Variants in C1orf94 observed in about 807,000 individuals in gnomAD.
C1orf94 encodes chromosome 1 open reading frame 94.
C1orf94 carries 45 observed loss-of-function variants against 53.6 expected under a neutral mutation model. The observed-to-expected ratio is 0.84, with a 90% CI of 0.66 to 1.08. The LOEUF (loss-of-function observed/expected upper bound fraction) is 1.08. Ranked by LOEUF, C1orf94 falls within the 50% of genes least tolerant of loss-of-function variation. The probability of loss-of-function intolerance (pLI) is 0.00; values close to 1 mark genes in which losing one functional copy is unlikely to be tolerated. For missense variants in C1orf94, 762 were observed against 738.9 expected, an observed-to-expected ratio of 1.03 and a Z score of -0.36; for synonymous variants, 304 against 296.1, an observed-to-expected ratio of 1.03 and a Z score of -0.27.
chr1:34,182,652 C>G (rs184200455), intron 1 of C1orf94, among the ~76,000 whole-genome samples: 140 of 152,256 alleles, frequency 9.2e-4, no homozygotes, highest in East Asian at 3.7e-3. Flanking sequence ...GATTTGGGTA[C>G]ACAAACAGAC....
At chr1:34,213,398 T>C (rs1642928494) in intron 6 of C1orf94, among the ~76,000 whole-genome samples, 1 of 152,208 alleles carries the variant, frequency 6.6e-6, no homozygotes, top group Non-Finnish European at 1.5e-5. Flanking sequence ...TGGGAAAAGC[T>C]GTGGGAAACA....
At chr1:34,213,532 T>G (rs1251736036) in intron 6 of C1orf94, among the ~76,000 whole-genome samples, 2 of 152,132 alleles carry the variant, frequency 1.3e-5, no homozygotes, top group Non-Finnish European at 2.9e-5. Flanking sequence ...CCTTTTCTTT[T>G]TTTATTTTAT....
chr1:34,190,145 T>C (rs1642459556), intron 1 of C1orf94, among the ~76,000 whole-genome samples: 1 of 152,204 alleles, frequency 6.6e-6, no homozygotes. Flanking sequence ...TCCCTCATGG[T>C]TGTGGTGGGG....
chr1:34,172,800 G>C (rs545276176), upstream of C1orf94, among the ~76,000 whole-genome samples: 1 of 152,226 alleles, frequency 6.6e-6, no homozygotes, highest in Non-Finnish European at 1.5e-5. Context: ...GACAACATGA[G>C]GGGGAGGCCC....
At chr1:34,213,983 A>G (rs976017209) in intron 6 of C1orf94, among the ~76,000 whole-genome samples, 1 of 152,132 alleles carries the variant, frequency 6.6e-6, no homozygotes. Context: ...ACACCCAGGG[A>G]AACGCTGTGT....
chr1:34,196,110 G>A (rs930016158), intron 1 of C1orf94, among the ~76,000 whole-genome samples: 10 of 152,204 alleles, frequency 6.6e-5, no homozygotes, highest in Admixed American at 6.5e-5. Flanking sequence ...CCCTTGAGTA[G>A]GCACAGCAGA....
At chr1:34,209,252 G>A (rs758199049) in intron 5 of C1orf94, among the ~76,000 whole-genome samples, 7 of 150,384 alleles carry the variant, frequency 4.7e-5, no homozygotes, top group Non-Finnish European at 7.4e-5. Context: ...CAATAATACT[G>A]CCTGAAAATA....
rs563123736 is a variant in C1orf94, at chr1:34,179,979, C to T, written c.320+1870C>T. 1.1e-4 allele frequency among the ~76,000 whole-genome samples: 17 copies of T among 152,290 alleles called. 1 individual carries two copies. Among genetic ancestry groups the T allele is most frequent in the East Asian group, 7.7e-4 (4 of 5,188 alleles). On this transcript the variant is annotated intron_variant, in intron 1 of 6. Transcript: ENST00000488417. ...AGAGATAGGAAACCAATGACTTAGA[C>T]GAATAAACGACATCCTAATTGTCAA...
intron 1 of C1orf94, among the ~76,000 whole-genome samples, chr1:34,194,035 T>TG (rs969455084): frequency 7.2e-5 from 11 of 151,898 alleles, no homozygotes; most frequent in Non-Finnish European, 1.5e-4. Flanking sequence ...TGGTTGCAGC[T>TG]GGGGGGGACA....
chr1:34,206,292 G>A (rs1304363347), intron 4 of C1orf94, among the ~76,000 whole-genome samples: 1 of 152,224 alleles, frequency 6.6e-6, no homozygotes, highest in African/African-American at 2.4e-5. Flanking sequence ...CCCATGCTGG[G>A]CATTCTGGAG....
At chr1:34,201,813 T>C (rs1054885768) in intron 3 of C1orf94, among the ~76,000 whole-genome samples, 8 of 152,212 alleles carry the variant, frequency 5.3e-5, no homozygotes, top group Admixed American at 1.3e-4. Flanking sequence ...TTGTATTCCC[T>C]TGCTAAATTG....
At chr1:34,184,637 T>A (rs1205915681) in intron 1 of C1orf94, among the ~76,000 whole-genome samples, 1 of 152,240 alleles carries the variant, frequency 6.6e-6, no homozygotes, top group African/African-American at 2.4e-5. Flanking sequence ...CTTATTTTGG[T>A]AAACTTTCAC....
At chr1:34,190,512 G>A (rs1317025177) in intron 1 of C1orf94, among the ~76,000 whole-genome samples, 1 of 152,140 alleles carries the variant, frequency 6.6e-6, no homozygotes, top group Admixed American at 6.6e-5. Context: ...GTCTGACAAG[G>A]TCTTCCTTGC....
chr1:34,214,432 G>C (rs1642949120), intron 6 of C1orf94, among the ~76,000 whole-genome samples: 1 of 152,216 alleles, frequency 6.6e-6, no homozygotes, highest in Non-Finnish European at 1.5e-5. Context: ...GGAAGTAAGA[G>C]AAAGAGGAAG....
intron 1 of C1orf94, among the ~76,000 whole-genome samples, chr1:34,189,049 G>C (rs956747709): frequency 3.3e-5 from 5 of 152,062 alleles, no homozygotes; most frequent in African/African-American, 1.2e-4. Flanking sequence ...GTGTGTATGT[G>C]CATGGGTGTG....
intron 1 of C1orf94, among the ~76,000 whole-genome samples, chr1:34,186,477 G>A (rs2148613701): frequency 6.6e-6 from 1 of 152,322 alleles, no homozygotes; most frequent in South Asian, 2.1e-4. Context: ...GGAAACTTAG[G>A]CTGAAGGGAA....
chr1:34,213,112 C>T (rs1364626081), intron 6 of C1orf94, among the ~76,000 whole-genome samples: 1 of 152,192 alleles, frequency 6.6e-6, no homozygotes, highest in Non-Finnish European at 1.5e-5. Context: ...TATGGATGCT[C>T]CAAGGGGCAC....
rs768027959 is a variant in C1orf94, at chr1:34,197,444, C to T, written c.540C>T (p.Val180=). 1.1e-5 allele frequency: 17 copies of T among 1,613,990 alleles called. No homozygotes were observed. Among genetic ancestry groups the T allele is most frequent in the Middle Eastern group, 1.6e-4 (1 of 6,062 alleles). Residue 180 remains valine (V), a synonymous_variant, in exon 2 of 7, where the codon GTC becomes GTT. Transcript: ENST00000488417. The surrounding 1 kb of genome is among the most constrained non-coding windows in gnomAD (Gnocchi z 4.1). The part of the protein sequence containing the change: ...SNERPRASII[V]GDKLLKQKVA... ...AGCGCCCCAGAGCCTCCATCATTGT[C>T]GGAGACAAGCTTCTGAAGCAGAAGG...
chr1:34,218,857 A>G lies in C1orf94; in HGVS notation c.*96A>G, dbSNP rs2148625624. 8.5e-7 allele frequency: 1 copy of G among 1,169,618 alleles called. No homozygotes were observed. Among genetic ancestry groups the G allele is most frequent in the Non-Finnish European group, 1.2e-6 (1 of 826,386 alleles). 72.5% of individuals were successfully genotyped at this position (1,169,618 alleles called of 1,614,324 possible). A position where few individuals can be genotyped will look rare whatever the true frequency, so the allele number is the denominator to read the frequency against. On this transcript the variant is annotated 3_prime_UTR_variant, in exon 7 of 7. Transcript: ENST00000488417. ...AAAAGCTTGGTATGAAGTTTGGAAA[A>G]GCAAGGTTCTGACCAGGTCACAGAC...
Sources: allele counts gnomAD v4.1 joint callset (sites outside exome capture counted in the v4.1 genomes callset), GRCh38; gene constraint gnomAD v4.1.1; non-coding constraint Gnocchi (gnomAD v3.1); transcripts MANE v1.5; gene names NCBI Gene and HGNC (gene_info 2026-07-23, HGNC 2026-07-21).